Variants in TRDN observed in about 807,000 individuals in gnomAD.
TRDN encodes the protein triadin.
A neutral mutation model predicts 149.7 loss-of-function variants in TRDN; 161 were observed. That is an observed-to-expected ratio of 1.08 (90% CI 0.95 to 1.23). The LOEUF is 1.23. Ranked by LOEUF, TRDN falls within the 50% of genes most tolerant of loss-of-function variation. The pLI is 0.00. For missense variants in TRDN, 896 were observed against 823.5 expected (o/e 1.09, Z -1.08); for synonymous variants, 294 against 250.5 (o/e 1.17, Z -1.64).
Position 123,377,370 on chromosome 6 carries a change from C to T in TRDN, c.1246+346G>A, listed in dbSNP as rs769390310. ...TACACTAAACTGTGAAAGAGTACTT[C>T]GCAAATACTGCACAGATGAATTCAC... On this transcript the variant is annotated intron_variant, in intron 18 of 40. Transcript: ENST00000334268. 2.6e-5 allele frequency among the ~76,000 whole-genome samples: 4 copies of T among 152,090 alleles called. No homozygotes were observed. In the East Asian group the frequency reaches 7.7e-4, roughly 29 times the overall value.
intron 10 of TRDN, among the ~76,000 whole-genome samples, chr6:123,442,510 C>A: frequency 9.6e-6 from 1 of 104,546 alleles, no homozygotes; most frequent in East Asian, 2.2e-4. Context: ...TGCGCCACTG[C>A]ACTCCCGCCT....
At chr6:123,489,536 T>C (rs971536791) in intron 9 of TRDN, 1 of 152,178 alleles carries the variant, frequency 6.6e-6, no homozygotes, top group Non-Finnish European at 1.5e-5. Flanking sequence ...AATTTACCTA[T>C]TTCTTAAACA....
chr6:123,314,802 T>G (rs1778964952), intron 24 of TRDN, among the ~76,000 whole-genome samples: 5 of 151,758 alleles, frequency 3.3e-5, no homozygotes. Flanking sequence ...TGGGAACATG[T>G]GAACACATAA....
At chr6:123,252,358 A>C in intron 38 of TRDN, 54 bp downstream of exon 38, 1 of 1,112,776 alleles carries the variant, frequency 9.0e-7, no homozygotes, top group Non-Finnish European at 1.3e-6. Context: ...ATTTCATCTT[A>C]AAATTGATAC....
intron 1 of TRDN, among the ~76,000 whole-genome samples, chr6:123,585,447 G>A (rs12660602): frequency 1.3e-5 from 2 of 152,014 alleles, no homozygotes; most frequent in African/African-American, 4.8e-5. Flanking sequence ...GAGTAGCCTT[G>A]GTATTGATTA....
intron 2 of TRDN, among the ~76,000 whole-genome samples, chr6:123,565,840 C>T (rs1782265909): frequency 6.6e-6 from 1 of 152,202 alleles, no homozygotes; most frequent in South Asian, 2.1e-4. Context: ...TCCTGCAGCT[C>T]ATCCGCATAA....
intron 24 of TRDN, among the ~76,000 whole-genome samples, chr6:123,282,197 A>G (rs1172832722): frequency 2.0e-5 from 3 of 151,958 alleles, no homozygotes; most frequent in Non-Finnish European, 4.4e-5. Flanking sequence ...ATATGTATCA[A>G]TAGTCAGAGG....
chr6:123,620,049 C>T (rs980741772), intron 1 of TRDN, among the ~76,000 whole-genome samples: 1 of 152,106 alleles, frequency 6.6e-6, no homozygotes, highest in Non-Finnish European at 1.5e-5. Context: ...TGAAAAGAAT[C>T]TTCTTGTGCA....
chr6:123,594,236 T>C (rs1423715048), intron 1 of TRDN, among the ~76,000 whole-genome samples: 2 of 152,134 alleles, frequency 1.3e-5, no homozygotes, highest in African/African-American at 4.8e-5. Flanking sequence ...TTCAATAAAT[T>C]GAAATATTAG....
chr6:123,426,099 G>GAA, intron 12 of TRDN, among the ~76,000 whole-genome samples: 1 of 152,228 alleles, frequency 6.6e-6, no homozygotes, highest in Non-Finnish European at 1.5e-5. Flanking sequence ...TATGAACATT[G>GAA]AAACCACTGT....
intron 12 of TRDN, among the ~76,000 whole-genome samples, chr6:123,406,213 C>CA (rs769493025): frequency 5.9e-5 from 9 of 152,052 alleles, no homozygotes; most frequent in Non-Finnish European, 1.2e-4. Flanking sequence ...TTATTTTCAA[C>CA]AAAAATAAAT....
intron 6 of TRDN, among the ~76,000 whole-genome samples, chr6:123,514,510 T>C (rs1349901637): frequency 6.6e-6 from 1 of 152,036 alleles, no homozygotes; most frequent in Non-Finnish European, 1.5e-5. Context: ...CACACATGCA[T>C]ACATACATAC....
At chr6:123,529,191 G>A (rs1216769019) in intron 5 of TRDN, 6 of 1,547,232 alleles carry the variant, frequency 3.9e-6, no homozygotes, top group East Asian at 2.4e-5. Flanking sequence ...CAAATGGTGT[G>A]GAACCAGTTG....
intron 31 of TRDN, among the ~76,000 whole-genome samples, chr6:123,268,352 AT>A (rs368137378): frequency 1.4e-4 from 21 of 152,110 alleles, no homozygotes; most frequent in Admixed American, 4.6e-4. Context: ...ACAAAAAGAA[AT>A]AAAAATGTAT....
intron 1 of TRDN, among the ~76,000 whole-genome samples, chr6:123,624,560 T>C (rs1324949814): frequency 6.6e-6 from 1 of 152,192 alleles, no homozygotes; most frequent in East Asian, 1.9e-4. Flanking sequence ...GCTTGGTCTA[T>C]GGACCCTGTC....
intron 38 of TRDN, among the ~76,000 whole-genome samples, chr6:123,235,291 T>A (rs1197897038): frequency 6.6e-6 from 1 of 151,942 alleles, no homozygotes; most frequent in East Asian, 1.9e-4. Flanking sequence ...CTTTGTCAAG[T>A]CCAATAGCAG....
At chr6:123,614,437 CTT>C (rs1784984911) in intron 1 of TRDN, among the ~76,000 whole-genome samples, 1 of 150,996 alleles carries the variant, frequency 6.6e-6, no homozygotes, top group Non-Finnish European at 1.5e-5. Flanking sequence ...TAGCTACTGA[CTT>C]TAAGCTACTG....
chr6:123,610,817 C>CATTA (rs1183962122), intron 1 of TRDN, among the ~76,000 whole-genome samples: 2 of 152,104 alleles, frequency 1.3e-5, no homozygotes, highest in Non-Finnish European at 2.9e-5. Flanking sequence ...AAAAAAACTG[C>CATTA]ATTAAGTTTA....
chr6:123,431,224 C>T (rs143762309), intron 12 of TRDN, among the ~76,000 whole-genome samples: 5 of 152,238 alleles, frequency 3.3e-5, no homozygotes, highest in Admixed American at 6.5e-5. Flanking sequence ...TCTACTATTG[C>T]CTTGTAATTG....
Sources: gnomAD v4.1 joint callset for allele counts (sites outside exome capture counted in the v4.1 genomes callset) on GRCh38, gnomAD v4.1.1 for gene constraint, MANE v1.5 for transcripts, NCBI Gene and HGNC (gene_info 2026-07-23, HGNC 2026-07-21) for gene names.